EPHA4: variants seen among roughly 807,000 people sequenced by gnomAD.
The protein encoded by EPHA4 is EPH receptor A4.
EPHA4 carries 19 observed loss-of-function variants against 108.3 expected under a neutral mutation model. That is an observed-to-expected ratio of 0.18 (90% CI 0.12 to 0.26). The LOEUF is 0.26. Among genes scored for constraint, EPHA4 ranks in the 10% least tolerant of loss-of-function variants. EPHA4 has a pLI of 1.00. For synonymous variants in EPHA4, 449 were observed against 455.5 expected (o/e 0.99, Z 0.18); for missense variants, 917 against 1,254.0 (o/e 0.73, Z 4.06).
At chr2:221,539,506 G>A (rs1445121179) in intron 3 of EPHA4, among the ~76,000 whole-genome samples, 2 of 152,178 alleles carry the variant, frequency 1.3e-5, no homozygotes, top group South Asian at 2.1e-4. Context: ...GTGCAAAATT[G>A]TGACCAGCAG....
At chr2:221,558,491 G>A (rs919260846) in intron 3 of EPHA4, among the ~76,000 whole-genome samples, 1 of 151,570 alleles carries the variant, frequency 6.6e-6, no homozygotes, top group Non-Finnish European at 1.5e-5. Context: ...CTTATATCAT[G>A]ACCACCCCTG....
At position 221,450,936 on chromosome 2, in the gene EPHA4, G is replaced by A. The variant is rs531906427; in HGVS notation, c.1715+4611C>T. Among the ~76,000 whole-genome samples, 114 of 152,210 alleles carry A rather than the reference G, an allele frequency of 7.5e-4. 1 individual carries two copies. The highest frequency in any genetic ancestry group is 1.3e-3 in the Non-Finnish European group (88 of 68,008). On this transcript the variant is annotated intron_variant, in intron 8 of 17. Transcript: ENST00000281821. ...AATAATAAAATACTGTTTTGGGGCC[G>A]GGTGTGGTAGCTCACGCCTGTAATC...
intron 5 of EPHA4, among the ~76,000 whole-genome samples, chr2:221,468,005 A>G (rs1488220006): frequency 6.6e-6 from 1 of 152,148 alleles, no homozygotes; most frequent in Non-Finnish European, 1.5e-5. Context: ...ATGGGGTGAA[A>G]CTAGCAACAA....
chr2:221,549,445 T>C (rs1415760071), intron 3 of EPHA4, among the ~76,000 whole-genome samples: 3 of 152,266 alleles, frequency 2.0e-5, no homozygotes, highest in Admixed American at 2.0e-4. Context: ...CACTCTCCCC[T>C]CTCTCTCTGG....
chr2:221,513,057 GAA>G (rs1388651790), intron 3 of EPHA4, among the ~76,000 whole-genome samples: 1 of 152,136 alleles, frequency 6.6e-6, no homozygotes, highest in Admixed American at 6.5e-5. Flanking sequence ...ATCACCTGGA[GAA>G]AAAGAGTTTA....
At position 221,444,744 on chromosome 2, in the gene EPHA4, CTTTTTTTTTT is replaced by C. The variant is rs71266317; in HGVS notation, c.1775-1148_1775-1139del. ...TCCCAGTCCCTCTCTTTTTTTCTAT[CTTTTTTTTTT>C]TTTTTTTTTTTTTTTTTTCTGGAGA... On this transcript the variant is annotated intron_variant, in intron 9 of 17. Coordinates refer to ENST00000281821, the MANE Select transcript of EPHA4 (RefSeq NM_004438.5). Among the ~76,000 whole-genome samples the C allele has an allele frequency of 3.1e-3, 234 of 74,986 alleles. 3 individuals carry two copies. Among genetic ancestry groups the C allele is most frequent in the African/African-American group, 0.011 (217 of 20,466 alleles). 49.2% of individuals were successfully genotyped at this position (74,986 alleles called of 152,430 possible).
intron 5 of EPHA4, among the ~76,000 whole-genome samples, chr2:221,465,592 G>A (rs914531613): frequency 1.3e-5 from 2 of 152,036 alleles, no homozygotes; most frequent in Non-Finnish European, 1.5e-5. Context: ...TTGTATCTAC[G>A]GTAGTTCATG....
intron 8 of EPHA4, among the ~76,000 whole-genome samples, chr2:221,449,604 A>G (rs944112636): frequency 6.6e-6 from 1 of 152,176 alleles, no homozygotes. Flanking sequence ...TCCAAGGGAC[A>G]TGGTAATAAG....
At chr2:221,542,049 T>A (rs1456799844) in intron 3 of EPHA4, among the ~76,000 whole-genome samples, 3 of 152,176 alleles carry the variant, frequency 2.0e-5, no homozygotes, top group African/African-American at 7.2e-5. Flanking sequence ...AGAAAATACA[T>A]CCCTGGTTTC....
chr2:221,525,540 G>C (rs1410671593), intron 3 of EPHA4, among the ~76,000 whole-genome samples: 1 of 152,164 alleles, frequency 6.6e-6, no homozygotes, highest in African/African-American at 2.4e-5. Flanking sequence ...TTAGACACAG[G>C]CTCGACAGTC....
chr2:221,534,189 G>T (rs576627427), intron 3 of EPHA4, among the ~76,000 whole-genome samples: 1 of 152,210 alleles, frequency 6.6e-6, no homozygotes, highest in African/African-American at 2.4e-5. Flanking sequence ...TTTAAGAATG[G>T]CCTGCAAGTA....
intron 17 of EPHA4, among the ~76,000 whole-genome samples, chr2:221,421,315 G>GA (rs918310542): frequency 4.8e-4 from 73 of 151,112 alleles, no homozygotes; most frequent in Admixed American, 1.4e-3. Flanking sequence ...AAAAAGAAAA[G>GA]AAAAAAAAGA....
chr2:221,449,940 C>A (rs6712384), intron 8 of EPHA4, among the ~76,000 whole-genome samples: 4,988 of 152,318 alleles, frequency 0.033, 267 homozygotes, highest in African/African-American at 0.11. Context: ...AGATTCACAG[C>A]AGCCATTCTT....
Position 221,442,987 on chromosome 2 carries a change from C to T in EPHA4, c.1916G>A (p.Arg639His), listed in dbSNP as rs147566564. The change falls in exon 11 of 18, where the codon CGT (arginine) becomes CAT (histidine). Residue 639 changes from arginine to histidine, a missense_variant. Transcript: ENST00000281821. ...VGEFGEVCSG[R>H]LKVPGKREIC... Reference sequence around the variant, plus strand: ...CTCTCTCTTGCCAGGCACTTTGAGACGCCCACTGCATACCTCACCAAATTC... The same window carrying T: ...CTCTCTCTTGCCAGGCACTTTGAGATGCCCACTGCATACCTCACCAAATTC... 25 of 1,614,008 alleles carry T rather than the reference C, an allele frequency of 1.5e-5. No individual in the cohort carries two copies. Among genetic ancestry groups the T allele is most frequent in the African/African-American group, 1.1e-4 (8 of 74,900 alleles).
intron 14 of EPHA4, among the ~76,000 whole-genome samples, chr2:221,430,606 T>C (rs1289021232): frequency 6.6e-6 from 1 of 152,186 alleles, no homozygotes; most frequent in Non-Finnish European, 1.5e-5. Context: ...GAATTTTCTT[T>C]GCCTCCTTTT....
At chr2:221,537,307 G>A (rs1693702418) in intron 3 of EPHA4, among the ~76,000 whole-genome samples, 1 of 152,186 alleles carries the variant, frequency 6.6e-6, no homozygotes, top group Non-Finnish European at 1.5e-5. Context: ...TACACTCAAA[G>A]CAATTTAAAA....
In EPHA4 at chr2:221,571,578, G is replaced by C. The variant is rs887193833; in HGVS notation, c.91+580C>G. Among the ~76,000 whole-genome samples the C allele has an allele frequency of 2.0e-5, 3 of 152,184 alleles. No homozygotes were observed. In the East Asian group the frequency reaches 5.8e-4, roughly 29 times the overall value. On this transcript the variant is annotated intron_variant, in intron 1 of 17. Transcript: ENST00000281821. This position sits in a 1 kb window ranked among gnomAD's most constrained non-coding sequence, Gnocchi z 6.3. ...GCACCCTCGGGGCGCTGGGCTTGGC[G>C]AGGAGAAAGGTGTCTGACTCCGGGT...
chr2:221,452,887 A>T (rs932476157), intron 8 of EPHA4, among the ~76,000 whole-genome samples: 6 of 152,164 alleles, frequency 3.9e-5, no homozygotes, highest in South Asian at 4.1e-4. Flanking sequence ...AAGCTTAAGG[A>T]TGCTATTTTC....
At chr2:221,537,583 T>C (rs187233982) in intron 3 of EPHA4, among the ~76,000 whole-genome samples, 48 of 152,038 alleles carry the variant, frequency 3.2e-4, no homozygotes, top group African/African-American at 1.1e-3. Flanking sequence ...AAGCCAGGAG[T>C]TTAGGACTAG....
Sources: gnomAD v4.1 joint callset for allele counts (sites outside exome capture counted in the v4.1 genomes callset) on GRCh38, gnomAD v4.1.1 for gene constraint, Gnocchi (gnomAD v3.1) non-coding constraint, MANE v1.5 for transcripts, NCBI Gene and HGNC (gene_info 2026-07-23, HGNC 2026-07-21) for gene names.